ACKR4: variants seen among roughly 807,000 people sequenced by gnomAD.
ACKR4 encodes C-C CKR-11.
A neutral mutation model predicts 8.5 loss-of-function variants in ACKR4; 2 were observed. The observed-to-expected ratio is 0.23, with a 90% confidence interval of 0.10 to 0.74. ACKR4 has a LOEUF of 0.74. ACKR4 is among the 30% of genes least tolerant of loss of function. The pLI, the probability that ACKR4 is intolerant of heterozygous loss-of-function variation, is 0.75. For missense variants in ACKR4, 167 were observed against 422.1 expected, an observed-to-expected ratio of 0.40 and a Z score of 5.30; for synonymous variants, 67 against 145.0, an observed-to-expected ratio of 0.46 and a Z score of 3.86.
At chr3:132,599,245 C>T (rs1255848826) in intron 1 of ACKR4, among the ~76,000 whole-genome samples, 3 of 152,196 alleles carry the variant, frequency 2.0e-5, no homozygotes, top group South Asian at 2.1e-4. Flanking sequence ...CGGTGGCTCA[C>T]GCCTGTAATC....
At chr3:132,599,274 G>A (rs1342224667) in intron 1 of ACKR4, among the ~76,000 whole-genome samples, 1 of 152,148 alleles carries the variant, frequency 6.6e-6, no homozygotes, top group Non-Finnish European at 1.5e-5. Flanking sequence ...TTGGGAGGCC[G>A]AGGCAGGTGG....
At chr3:132,598,670 G>T (rs749443346) in intron 1 of ACKR4, among the ~76,000 whole-genome samples, 5 of 152,204 alleles carry the variant, frequency 3.3e-5, no homozygotes, top group Non-Finnish European at 7.3e-5. Context: ...GCAGGAAATT[G>T]TATGGTAGAT....
At position 132,601,962 on chromosome 3, in the gene ACKR4, A is replaced by T. The variant is rs1938624153; in HGVS notation, c.*512A>T. 5.6e-6 allele frequency: 1 copy of T among 178,566 alleles called. No homozygotes were observed. Among genetic ancestry groups the T allele is most frequent in the South Asian group, 1.5e-4 (1 of 6,596 alleles). 11.1% of individuals were successfully genotyped at this position (178,566 alleles called of 1,614,324 possible). On this transcript the variant is annotated 3_prime_UTR_variant, in exon 2 of 2. Transcript: ENST00000249887. Reference sequence around the variant, plus strand: ...TAATTTCAAAATAAAACAAGTTAAAAAAAAACCCACTATGCTATAAGTTAG... The same window carrying T: ...TAATTTCAAAATAAAACAAGTTAAATAAAAACCCACTATGCTATAAGTTAG...
Position 132,600,469 on chromosome 3 carries a change from C to A in ACKR4, c.72C>A (p.Tyr24Ter). Residue 24 changes from tyrosine to a stop codon, truncating the protein, a stop_gained, in exon 2 of 2, where the codon TAC (tyrosine) becomes TAA (stop). Coordinates refer to ENST00000249887, the MANE Select transcript of ACKR4 (RefSeq NM_016557.4). LOFTEE classifies it low-confidence loss of function (END_TRUNC). Reference protein sequence around the residue: ...EENEMNGTYDYSQYELICIKE... With the variant: ...EENEMNGTYD ...ATGAAATGAATGGCACTTATGACTA[C>A]AGTCAATATGAACTGATCTGTATCA... The A allele has an allele frequency of 6.2e-7, 1 of 1,613,504 alleles. No individual in the cohort carries two copies. Among genetic ancestry groups the A allele is most frequent in the Non-Finnish European group, 8.5e-7 (1 of 1,179,692 alleles).
Position 132,601,920 on chromosome 3 carries a change from T to C in ACKR4, c.*470T>C, listed in dbSNP as rs982157669. On this transcript the variant is annotated 3_prime_UTR_variant, in exon 2 of 2. Transcript: ENST00000249887. The stretch of plus-strand genomic sequence containing the variant: ...GACCACTCTGTACCATCTTTGTAAC[T>C]TCCTGTGAATTTATAATAATTTCAA... 18 of 178,070 alleles carry C rather than the reference T, an allele frequency of 1.0e-4. No individual in the cohort carries two copies. The highest frequency in any genetic ancestry group is 4.2e-4 in the African/African-American group (17 of 40,626). The allele number at this position is 178,070 out of a possible 1,614,324, so 11.0% of individuals were successfully genotyped here.
rs1220149798 is a variant in ACKR4, at chr3:132,602,388, A to G, written c.*938A>G. 6.6e-6 allele frequency among the ~76,000 whole-genome samples: 1 copy of G among 152,132 alleles called. No homozygotes were observed. Reference sequence around the variant, plus strand: ...TTTTCATCTGGGTTCCAATTTCTTAACTTCCTAAAGAATTCATCTGTTTAT... The same window carrying G: ...TTTTCATCTGGGTTCCAATTTCTTAGCTTCCTAAAGAATTCATCTGTTTAT... On this transcript the variant is annotated 3_prime_UTR_variant, in exon 2 of 2. Transcript: ENST00000249887.
chr3:132,599,187 CAATAAATA>C (rs1171521448), intron 1 of ACKR4, among the ~76,000 whole-genome samples: 5 of 151,460 alleles, frequency 3.3e-5, no homozygotes, highest in African/African-American at 1.2e-4. Flanking sequence ...ATAACCTGGT[CAATAAATA>C]AATAAATAAA....
chr3:132,600,608 A>C lies in ACKR4; in HGVS notation c.211A>C (p.Lys71Gln). The change falls in exon 2 of 2, where the codon AAA becomes CAA. Residue 71 changes from lysine to glutamine, a missense_variant. Lys to Gln is a moderately conservative substitution (Grantham distance 53). Around this residue, in one of 2 missense-constraint regions of ACKR4, gnomAD observed 149 missense variants for 281.9 expected, o/e 0.53. Coordinates refer to ENST00000249887, the MANE Select transcript of ACKR4 (RefSeq NM_016557.4). ...AGTGGCAATTTATGCCTATTACAAG[A>C]AACAGAGAACCAAAACAGATGTGTA... ...MVVAIYAYYKKQRTKTDVYIL... is the reference protein window; with the variant it reads ...MVVAIYAYYKQQRTKTDVYIL... 6.2e-7 allele frequency: 1 copy of C among 1,613,844 alleles called. No individual in the cohort carries two copies. Among genetic ancestry groups the C allele is most frequent in the Non-Finnish European group, 8.5e-7 (1 of 1,179,786 alleles).
intron 1 of ACKR4, among the ~76,000 whole-genome samples, chr3:132,598,729 G>A (rs1938425102): frequency 6.6e-6 from 1 of 152,206 alleles, no homozygotes; most frequent in Non-Finnish European, 1.5e-5. Context: ...TGCATGGTGG[G>A]TGCCAGCCCA....
At chr3:132,600,315 A>G (rs1938511345) in intron 1 of ACKR4, 74 bp from the exon 2 acceptor site, 2 of 1,294,768 alleles carry the variant, frequency 1.5e-6, no homozygotes, top group Non-Finnish European at 2.1e-6. Context: ...AAAGAACAAA[A>G]CAGCTTGATA....
rs777999661 is a variant in ACKR4, at chr3:132,600,463, T to C, written c.66T>C (p.Tyr22=). 1.9e-6 allele frequency: 3 copies of C among 1,613,422 alleles called. No homozygotes were observed. The highest frequency in any genetic ancestry group is 2.5e-6 in the Non-Finnish European group (3 of 1,179,660). Residue 22 remains tyrosine, a synonymous_variant, in exon 2 of 2, where the codon TAT becomes TAC. Coordinates refer to ENST00000249887, the MANE Select transcript of ACKR4 (RefSeq NM_016557.4). ...AGGAAAATGAAATGAATGGCACTTA[T>C]GACTACAGTCAATATGAACTGATCT... The part of the protein sequence containing the change: ...YYEENEMNGT[Y]DYSQYELICI...
Position 132,600,422 on chromosome 3 carries a change from A to G in ACKR4, c.25A>G (p.Thr9Ala). Residue 9 changes from threonine (T) to alanine (A), a missense_variant, in exon 2 of 2, where the codon ACA becomes GCA. Transcript: ENST00000249887. MALEQNQS[T>A]DYYYEENEMN... ...CATGGCTTTGGAACAGAACCAGTCA[A>G]CAGATTATTATTATGAGGAAAATGA... The G allele has an allele frequency of 1.2e-6, 2 of 1,602,242 alleles. No individual in the cohort carries two copies. The highest frequency in any genetic ancestry group is 1.7e-6 in the Non-Finnish European group (2 of 1,173,956).
chr3:132,597,962 C>A (rs1326009349), intron 1 of ACKR4, among the ~76,000 whole-genome samples: 2 of 151,864 alleles, frequency 1.3e-5, no homozygotes, highest in African/African-American at 4.8e-5. Flanking sequence ...AAGTTGGCAC[C>A]CGGTTTTTAC....
chr3:132,600,467 T>C lies in ACKR4; in HGVS notation c.70T>C (p.Tyr24His), dbSNP rs1371312622. The change falls in exon 2 of 2, where the codon TAC becomes CAC. Residue 24 changes from tyrosine (Y) to histidine (H), a missense_variant. Physicochemically the swap from Tyr to His is moderately conservative, Grantham distance 83. Around this residue, in one of 2 missense-constraint regions of ACKR4, gnomAD observed 149 missense variants for 281.9 expected, o/e 0.53. Coordinates refer to ENST00000249887, the MANE Select transcript of ACKR4 (RefSeq NM_016557.4). ...EENEMNGTYD[Y>H]SQYELICIKE... The stretch of plus-strand genomic sequence containing the variant: ...AAATGAAATGAATGGCACTTATGAC[T>C]ACAGTCAATATGAACTGATCTGTAT... 3 of 1,613,480 alleles carry C rather than the reference T, an allele frequency of 1.9e-6. No homozygotes were observed. The African/African-American group carries it at 4.0e-5, about 22-fold the overall frequency.
Position 132,600,625 on chromosome 3 carries a change from A to C in ACKR4, c.228A>C (p.Thr76=). The C allele has an allele frequency of 6.2e-7, 1 of 1,613,758 alleles. No individual in the cohort carries two copies. The highest frequency in any genetic ancestry group is 8.5e-7 in the Non-Finnish European group (1 of 1,179,716). The change falls in exon 2 of 2, where the codon ACA becomes ACC. Residue 76 remains threonine (T), a synonymous_variant. Coordinates refer to ENST00000249887, the MANE Select transcript of ACKR4 (RefSeq NM_016557.4). ...YAYYKKQRTK[T]DVYILNLAVA... The stretch of plus-strand genomic sequence containing the variant: ...ATTACAAGAAACAGAGAACCAAAAC[A>C]GATGTGTACATCCTGAATTTGGCTG...
rs374837439 is a variant in ACKR4, at chr3:132,600,747, C to T, written c.350C>T (p.Ala117Val). 1.9e-6 allele frequency: 3 copies of T among 1,613,872 alleles called. No homozygotes were observed. Among genetic ancestry groups the T allele is most frequent in the Non-Finnish European group, 1.7e-6 (2 of 1,179,874 alleles). The change falls in exon 2 of 2, where the codon GCC (alanine) becomes GTC (valine). Residue 117 changes from alanine to valine, a missense_variant. Physicochemically the swap from Ala to Val is moderately conservative, Grantham distance 64 (BLOSUM62 0). This residue lies in a region of ACKR4 where 149 missense variants were observed against 281.9 expected (regional missense o/e 0.53). Transcript: ENST00000249887. ...LGKIMCKITS[A>V]LYTLNFVSGM... The stretch of plus-strand genomic sequence containing the variant: ...AAAATAATGTGCAAAATAACTTCAG[C>T]CTTGTACACACTAAACTTTGTCTCT...
intron 1 of ACKR4, among the ~76,000 whole-genome samples, chr3:132,598,875 G>A (rs1188030147): frequency 1.3e-5 from 2 of 152,208 alleles, no homozygotes; most frequent in East Asian, 3.8e-4. Flanking sequence ...TGGCTTTCAG[G>A]TGAAGAGATG....
chr3:132,598,968 G>A (rs1938443393), intron 1 of ACKR4, among the ~76,000 whole-genome samples: 1 of 152,132 alleles, frequency 6.6e-6, no homozygotes, highest in African/African-American at 2.4e-5. Flanking sequence ...TAAGAAAAAC[G>A]TTTTTGAAAA....
intron 1 of ACKR4, among the ~76,000 whole-genome samples, chr3:132,598,815 C>A (rs1280154010): frequency 6.6e-6 from 1 of 152,184 alleles, no homozygotes; most frequent in African/African-American, 2.4e-5. Context: ...CCATGGATGG[C>A]ACCACATTAT....
Sources: gnomAD v4.1 joint callset for allele counts (sites outside exome capture counted in the v4.1 genomes callset) on GRCh38, gnomAD v4.1.1 for gene constraint, gnomAD v4.1.1 regional missense constraint, MANE v1.5 for transcripts, NCBI Gene and HGNC (gene_info 2026-07-23, HGNC 2026-07-21) for gene names.